The following GAA variants were observed in gnomAD, a reference collection of about 807,000 sequenced individuals.
GAA encodes the protein alpha glucosidase.
In GAA, 88 loss-of-function variants were observed where a neutral mutation model predicts 103.9. The ratio of observed to expected loss-of-function variants is 0.85; its 90% CI spans 0.71 to 1.01. The LOEUF (loss-of-function observed/expected upper bound fraction) is 1.01. GAA is among the 50% of genes least tolerant of loss of function. The pLI, the probability that GAA is intolerant of heterozygous loss-of-function variation, is 0.00. For missense variants in GAA, 1,350 were observed against 1,305.3 expected, an observed-to-expected ratio of 1.03 and a Z score of -0.53; for synonymous variants, 572 against 563.1, an observed-to-expected ratio of 1.02 and a Z score of -0.22.
intron 19 of GAA, 115 bp from the exon 20 acceptor site, chr17:80,119,157 C>A: frequency 9.5e-7 from 1 of 1,057,018 alleles, no homozygotes; most frequent in Non-Finnish European, 1.5e-6. Flanking sequence ...GCCCCCTGAG[C>A]GCCGGGCCTC....
In GAA at chr17:80,119,329, T is replaced by C. The variant is rs775903485; in HGVS notation, c.2857T>C (p.Ter953GlnextTer6). Residue 953 changes from the stop codon to glutamine (Q), a stop_lost, in exon 20 of 20, where the codon TAG (stop) becomes CAG (glutamine). Coordinates refer to ENST00000302262, the MANE Select transcript of GAA (RefSeq NM_000152.5). ...MGEQFLVSWC[*>Q] ...AGAGCAGTTTCTCGTCAGCTGGTGTTAGCCGGGCGGAGTGTGTTAGTCTCT... is the reference window on the plus strand; with the variant it reads ...AGAGCAGTTTCTCGTCAGCTGGTGTCAGCCGGGCGGAGTGTGTTAGTCTCT... 5 of 1,613,704 alleles carry C rather than the reference T, an allele frequency of 3.1e-6. No homozygotes were observed. Among genetic ancestry groups the C allele is most frequent in the Non-Finnish European group, 4.2e-6 (5 of 1,179,616 alleles).
In GAA at chr17:80,110,751, C is replaced by G. The variant is rs759045163; in HGVS notation, c.1462C>G (p.Pro488Ala). 1 of 1,614,126 alleles carries G rather than the reference C, an allele frequency of 6.2e-7. No homozygotes were observed. Among genetic ancestry groups the G allele is most frequent in the East Asian group, 2.2e-5 (1 of 44,876 alleles). Residue 488 changes from proline to alanine, a missense_variant, in exon 10 of 20, where the codon CCC (proline) becomes GCC (alanine). Transcript: ENST00000302262. The stretch of plus-strand genomic sequence containing the variant: ...GGTATGGCCCGGGTCCACTGCCTTC[C>G]CCGACTTCACCAACCCCACAGCCCT... ...GKVWPGSTAFPDFTNPTALAW... is the reference protein window; with the variant it reads ...GKVWPGSTAFADFTNPTALAW...
intron 11 of GAA, 84 bp from the exon 12 acceptor site, chr17:80,111,899 G>A: frequency 8.7e-7 from 1 of 1,149,420 alleles, no homozygotes; most frequent in Non-Finnish European, 1.3e-6. Context: ...CTGCACAGGG[G>A]CTCCTGGGAG....
At position 80,118,885 on chromosome 17, in the gene GAA, A is replaced by C. The variant is rs928439004; in HGVS notation, c.2799+80A>C. ...GCAGAAGGTGCTGGGCGTCCTGGTG[A>C]CCGATGCCAGGAACAGAGGATGCTG... On this transcript the variant is annotated intron_variant, in intron 19 of 19. Transcript: ENST00000302262. 2.0e-6 allele frequency: 3 copies of C among 1,528,960 alleles called. No individual in the cohort carries two copies. The Admixed American group carries it at 5.4e-5, about 28-fold the overall frequency. 94.7% of individuals were successfully genotyped at this position (1,528,960 alleles called of 1,614,324 possible). A position where few individuals can be genotyped will look rare whatever the true frequency, so the allele number is the denominator to read the frequency against.
intron 16 of GAA, 151 bp downstream of exon 16, chr17:80,117,260 C>A: frequency 1.2e-6 from 1 of 832,824 alleles, no homozygotes; most frequent in Non-Finnish European, 1.9e-6. Flanking sequence ...CCGGCTGCTC[C>A]GCACCCATCA....
At chr17:80,117,246 C>G (rs2039375873) in intron 16 of GAA, 137 bp downstream of exon 16, 1 of 930,960 alleles carries the variant, frequency 1.1e-6, no homozygotes, top group African/African-American at 1.6e-5. Flanking sequence ...TGCCAGGCCC[C>G]CACCCGGCTG....
intron 15 of GAA, chr17:80,116,723 G>A (rs915918051): frequency 1.1e-5 from 6 of 560,564 alleles, no homozygotes; most frequent in East Asian, 9.1e-5. Context: ...TCAAGCACAA[G>A]CCCCTATTCC....
In GAA at chr17:80,118,312, G is replaced by A; in HGVS notation, c.2601G>A (p.Val867=). The change falls in exon 18 of 20, where the codon GTG becomes GTA. Residue 867 remains valine, a synonymous_variant. Coordinates refer to ENST00000302262, the MANE Select transcript of GAA (RefSeq NM_000152.5). ...GGGACGATGGAGAGAGCCTGGAAGT[G>A]CTGGAGCGAGGGGCCTACACACAGG... ...LFWDDGESLE[V]LERGAYTQVI... is the part of the protein sequence containing the mutation. 1 of 1,586,840 alleles carries A rather than the reference G, an allele frequency of 6.3e-7. No homozygotes were observed. The highest frequency in any genetic ancestry group is 1.3e-5 in the African/African-American group (1 of 74,458).
At chr17:80,114,089 GAAA>G (rs75151558) in intron 15 of GAA, among the ~76,000 whole-genome samples, 5,970 of 70,424 alleles carry the variant, frequency 0.085, 239 homozygotes, top group East Asian at 0.32. Context: ...TTCATTTAGA[GAAA>G]AAAAAAAAAA....
rs1567835634 is a variant in GAA, at chr17:80,112,911, GT to G, written c.1925del (p.Val642AlafsTer54). The G allele has an allele frequency of 6.2e-7, 1 of 1,610,610 alleles. No homozygotes were observed. The highest frequency in any genetic ancestry group is 8.5e-7 in the Non-Finnish European group (1 of 1,178,846). On this transcript the variant is annotated frameshift_variant, in exon 14 of 20. Coordinates refer to ENST00000302262, the MANE Select transcript of GAA (RefSeq NM_000152.5). LOFTEE classifies it high-confidence loss of function. ...LQFNLLGVPL[V>X]GADVCGFLGN... The stretch of plus-strand genomic sequence containing the variant: ...GTTTAACCTGCTGGGGGTGCCTCTG[GT>G]CGGGGCCGACGTCTGCGGCTTCCTG...
At position 80,103,062 on chromosome 17, in the gene GAA, G is replaced by A. The variant is rs1442315; in HGVS notation, c.-33+1172G>A. On this transcript the variant is annotated intron_variant, in intron 1 of 19. Coordinates refer to ENST00000302262, the MANE Select transcript of GAA (RefSeq NM_000152.5). Reference sequence around the variant, plus strand: ...GAGCCCTAATTTACCAGTGGCCCACGGTGGAACACCACGTCCGGCCGGGGG... The same window carrying A: ...GAGCCCTAATTTACCAGTGGCCCACAGTGGAACACCACGTCCGGCCGGGGG... 0.058 allele frequency among the ~76,000 whole-genome samples: 8,876 copies of A among 152,286 alleles called. 510 individuals are homozygous for A. Among genetic ancestry groups the A allele is most frequent in the South Asian group, 0.15 (728 of 4,832 alleles).
At chr17:80,107,352 G>T (rs1456068601) in intron 3 of GAA, among the ~76,000 whole-genome samples, 1 of 152,202 alleles carries the variant, frequency 6.6e-6, no homozygotes, top group African/African-American at 2.4e-5. Context: ...CTTCTGATAT[G>T]CCCTGAGAGT....
chr17:80,108,231 G>T (rs962925012), intron 5 of GAA, 59 bp from the exon 6 acceptor site: 4 of 1,612,664 alleles, frequency 2.5e-6, no homozygotes, highest in East Asian at 4.5e-5. Flanking sequence ...CATCTGTGGG[G>T]TGCAGAGCCC....
intron 19 of GAA, 119 bp from the exon 20 acceptor site, chr17:80,119,151 CCT>C: frequency 6.8e-6 from 7 of 1,030,318 alleles, no homozygotes; most frequent in Non-Finnish European, 9.2e-6. Context: ...GGAGCTGCCC[CCT>C]GAGCGCCGGG....
At chr17:80,112,403 G>T in intron 12 of GAA, 175 bp from the exon 13 acceptor site, 1 of 796,334 alleles carries the variant, frequency 1.3e-6, no homozygotes, top group Non-Finnish European at 2.0e-6. Context: ...CAGGCATCAG[G>T]TGGCCCAGAC....
At chr17:80,116,765 G>A (rs886831633) in intron 15 of GAA, 14 of 630,076 alleles carry the variant, frequency 2.2e-5, no homozygotes, top group Middle Eastern at 3.3e-4. Flanking sequence ...CATGTCCGGG[G>A]AGAAGGCTTC....
At chr17:80,116,946 T>C in intron 15 of GAA, 22 bp from the exon 16 acceptor site, 1 of 1,613,458 alleles carries the variant, frequency 6.2e-7, no homozygotes, top group East Asian at 2.2e-5. Context: ...CCCGTATGCC[T>C]GTGTGCCCAT....
At position 80,112,948 on chromosome 17, in the gene GAA, C is replaced by T; in HGVS notation, c.1961C>T (p.Ser654Leu). 5 of 1,610,674 alleles carry T rather than the reference C, an allele frequency of 3.1e-6. No homozygotes were observed. Among genetic ancestry groups the T allele is most frequent in the Non-Finnish European group, 4.2e-6 (5 of 1,179,072 alleles). Residue 654 changes from serine to leucine, a missense_variant, in exon 14 of 20, where the codon TCA (serine) becomes TTA (leucine). Physicochemically the swap from Ser to Leu is moderately radical, Grantham distance 145. Coordinates refer to ENST00000302262, the MANE Select transcript of GAA (RefSeq NM_000152.5). ...GTCTGCGGCTTCCTGGGCAACACCT[C>T]AGAGGAGCTGTGTGTGCGCTGGACC... Reference protein sequence around the residue: ...ADVCGFLGNTSEELCVRWTQL... With the variant: ...ADVCGFLGNTLEELCVRWTQL...
intron 17 of GAA, 125 bp downstream of exon 17, chr17:80,117,874 GT>G: frequency 9.6e-7 from 1 of 1,037,904 alleles, no homozygotes; most frequent in Non-Finnish European, 1.4e-6. Context: ...CGCAGTGTAG[GT>G]TATCAAGGAG....
Sources: allele counts gnomAD v4.1 joint callset (sites outside exome capture counted in the v4.1 genomes callset), GRCh38; gene constraint gnomAD v4.1.1; transcripts MANE v1.5; gene names NCBI Gene and HGNC (gene_info 2026-07-23, HGNC 2026-07-21).